The following IMPG2 variants were observed in gnomAD, a reference collection of about 807,000 sequenced individuals.
The protein encoded by IMPG2 is IPM 200.
IMPG2 carries 91 observed loss-of-function variants against 129.2 expected under a neutral mutation model. The observed-to-expected ratio is 0.70, with a 90% CI of 0.59 to 0.84. The LOEUF (loss-of-function observed/expected upper bound fraction) is 0.84, where lower values mean the gene tolerates loss of function less well. Ranked by LOEUF, IMPG2 falls within the 40% of genes least tolerant of loss-of-function variation. IMPG2 has a pLI of 0.00. For missense variants in IMPG2, 1,430 were observed against 1,461.7 expected, an observed-to-expected ratio of 0.98 and a Z score of 0.35; for synonymous variants, 510 against 517.7, an observed-to-expected ratio of 0.99 and a Z score of 0.20.
chr3:101,240,473 T>C (rs889701613), intron 14 of IMPG2, among the ~76,000 whole-genome samples: 2 of 152,222 alleles, frequency 1.3e-5, no homozygotes, highest in African/African-American at 2.4e-5. Flanking sequence ...TTATAAATCA[T>C]AACTGTTTGC....
chr3:101,256,798 G>A (rs755124606), intron 10 of IMPG2, among the ~76,000 whole-genome samples: 12 of 152,058 alleles, frequency 7.9e-5, no homozygotes, highest in Non-Finnish European at 1.2e-4. Flanking sequence ...CTAAGTTACC[G>A]ATGAGTAAAG....
chr3:101,273,756 G>A lies in IMPG2; in HGVS notation c.667-14C>T. The A allele has an allele frequency of 1.2e-6, 2 of 1,611,172 alleles. No homozygotes were observed. The highest frequency in any genetic ancestry group is 1.7e-6 in the Non-Finnish European group (2 of 1,177,506). ...TTCATTGCTAATCTGAATTTTTAGA[G>A]AAAGAACAATAAATGTCAAGGCTTA... On this transcript the variant is annotated splice_polypyrimidine_tract_variant and intron_variant, in intron 6 of 18. Transcript: ENST00000193391.
At chr3:101,268,844 C>T (rs1413022593) in intron 8 of IMPG2, among the ~76,000 whole-genome samples, 2 of 152,124 alleles carry the variant, frequency 1.3e-5, no homozygotes, top group Non-Finnish European at 2.9e-5. Flanking sequence ...TCCTCCTCCA[C>T]CCCAGTTTAC....
chr3:101,260,015 T>TA (rs1381501544), intron 9 of IMPG2, among the ~76,000 whole-genome samples: 1 of 152,152 alleles, frequency 6.6e-6, no homozygotes, highest in African/African-American at 2.4e-5. Flanking sequence ...CATTGTCTTT[T>TA]ATGGTTTGGT....
At chr3:101,272,178 G>A (rs1161334081) in intron 7 of IMPG2, among the ~76,000 whole-genome samples, 2 of 151,906 alleles carry the variant, frequency 1.3e-5, no homozygotes, top group African/African-American at 4.8e-5. Context: ...TCCCCTCCAA[G>A]CAGGCTTTCT....
At chr3:101,233,099 TC>T in intron 14 of IMPG2, 108 bp from the exon 15 acceptor site, 2 of 934,674 alleles carry the variant, frequency 2.1e-6, no homozygotes, top group African/African-American at 1.6e-5. Context: ...ACAACTCCTT[TC>T]CAGAACCATT....
At chr3:101,280,893 G>A (rs1258858028) in intron 4 of IMPG2, among the ~76,000 whole-genome samples, 2 of 152,068 alleles carry the variant, frequency 1.3e-5, no homozygotes, top group Non-Finnish European at 2.9e-5. Context: ...AGGTTGCAGT[G>A]GGCTGAGATC....
At chr3:101,285,114 T>C (rs1448139470) in intron 4 of IMPG2, among the ~76,000 whole-genome samples, 9 of 152,168 alleles carry the variant, frequency 5.9e-5, no homozygotes. Context: ...CAATTAAATG[T>C]AAAAAATCTT....
chr3:101,229,273 T>C, intron 17 of IMPG2, 107 bp downstream of exon 17: 1 of 936,870 alleles, frequency 1.1e-6, no homozygotes, highest in Non-Finnish European at 1.7e-6. Context: ...TTAAAGTCCA[T>C]GTGCATGCAC....
At chr3:101,232,399 A>C (rs1300154367) in intron 15 of IMPG2, among the ~76,000 whole-genome samples, 4 of 151,930 alleles carry the variant, frequency 2.6e-5, no homozygotes, top group Non-Finnish European at 4.4e-5. Flanking sequence ...CACCACACCC[A>C]GCTAATTTTT....
Position 101,275,681 on chromosome 3 carries a change from C to T in IMPG2, c.648G>A (p.Leu216=). 3 of 1,613,234 alleles carry T rather than the reference C, an allele frequency of 1.9e-6. No homozygotes were observed. The highest frequency in any genetic ancestry group is 1.7e-6 in the Non-Finnish European group (2 of 1,179,170). The change falls in exon 6 of 19, where the codon TTG becomes TTA. Residue 216 remains leucine (L), a synonymous_variant. Coordinates refer to ENST00000193391, the MANE Select transcript of IMPG2 (RefSeq NM_016247.4). ...CACTCACACTCTCCTCTGGCCTTTC[C>T]AAGCTGCTCTCTGAGGCACCTTCAT... ...DAYEGASESS[L]ERPEESISNE... is the part of the protein sequence containing the mutation.
rs1706754796 is a variant in IMPG2 at position 101,269,475 on chromosome 3, A to C, written c.887+40T>G. On this transcript the variant is annotated intron_variant, in intron 8 of 18. Transcript: ENST00000193391. Reference sequence around the variant, plus strand: ...ATGGACATTCCATTCAGAATAAAGAATACTACTGAAAATGTGCATATTTAG... The same window carrying C: ...ATGGACATTCCATTCAGAATAAAGACTACTACTGAAAATGTGCATATTTAG... 4.6e-6 allele frequency: 5 copies of C among 1,084,232 alleles called. No individual in the cohort carries two copies. The South Asian group carries it at 5.0e-5, about 11-fold the overall frequency. 67.2% of individuals were successfully genotyped at this position (1,084,232 alleles called of 1,614,324 possible). A position where few individuals can be genotyped will look rare whatever the true frequency, so the allele number is the denominator to read the frequency against.
At chr3:101,237,898 A>G (rs767539506) in intron 14 of IMPG2, among the ~76,000 whole-genome samples, 4 of 152,118 alleles carry the variant, frequency 2.6e-5, no homozygotes, top group Non-Finnish European at 5.9e-5. Flanking sequence ...AGTAGGCTTC[A>G]GAAGGTGGGT....
At chr3:101,233,050 C>A (rs1706307903) in intron 14 of IMPG2, 59 bp from the exon 15 acceptor site, 4 of 1,491,882 alleles carry the variant, frequency 2.7e-6, no homozygotes, top group Non-Finnish European at 3.7e-6. Flanking sequence ...CTGGGGTATA[C>A]AAAGCCCTTC....
intron 2 of IMPG2, among the ~76,000 whole-genome samples, chr3:101,317,091 G>A (rs1018915542): frequency 2.2e-5 from 2 of 89,402 alleles, no homozygotes; most frequent in African/African-American, 6.2e-5. Flanking sequence ...AGGTAGTGAG[G>A]GAGGTGGGCA....
chr3:101,247,097 T>TAA (rs11435767), intron 11 of IMPG2, among the ~76,000 whole-genome samples: 60 of 143,406 alleles, frequency 4.2e-4, no homozygotes, highest in Middle Eastern at 7.8e-3. Context: ...CATTGTCTCT[T>TAA]AAAAAAAAAA....
chr3:101,233,773 C>A (rs1706316310), intron 14 of IMPG2, among the ~76,000 whole-genome samples: 1 of 151,938 alleles, frequency 6.6e-6, no homozygotes, highest in African/African-American at 2.4e-5. Context: ...GGTAAGTGGG[C>A]AAATGGTGAC....
intron 3 of IMPG2, among the ~76,000 whole-genome samples, chr3:101,303,612 T>C (rs1431377271): frequency 1.3e-5 from 2 of 152,214 alleles, no homozygotes; most frequent in Non-Finnish European, 1.5e-5. Context: ...GTAATTTGTC[T>C]TTATGCATGT....
chr3:101,258,762 T>C (rs1706639677), intron 9 of IMPG2, among the ~76,000 whole-genome samples: 1 of 152,184 alleles, frequency 6.6e-6, no homozygotes, highest in Admixed American at 6.6e-5. Flanking sequence ...GTTGACATTT[T>C]CTTAACTAGT....
Sources: allele counts gnomAD v4.1 joint callset (sites outside exome capture counted in the v4.1 genomes callset), GRCh38; gene constraint gnomAD v4.1.1; transcripts MANE v1.5; gene names NCBI Gene and HGNC (gene_info 2026-07-23, HGNC 2026-07-21).